CSMD3: variants seen among roughly 807,000 people sequenced by gnomAD.
CSMD3 encodes CUB and Sushi multiple domains 3.
CSMD3 carries 177 observed loss-of-function variants against 435.2 expected under a neutral mutation model. That is an observed-to-expected ratio of 0.41 (90% CI 0.36 to 0.46). CSMD3 has a LOEUF of 0.46. Among genes scored for constraint, CSMD3 ranks in the 20% least tolerant of loss-of-function variants. The pLI, the probability that CSMD3 is intolerant of heterozygous loss-of-function variation, is 0.34. For missense variants in CSMD3, 4,265 were observed against 4,504.6 expected (o/e 0.95, Z 1.52); for synonymous variants, 1,656 against 1,520.5 (o/e 1.09, Z -2.07).
intron 3 of CSMD3, among the ~76,000 whole-genome samples, chr8:113,236,666 T>C (rs74798527): frequency 1.9e-3 from 286 of 152,210 alleles, no homozygotes; most frequent in South Asian, 9.5e-3. Flanking sequence ...GAGAATTACA[T>C]CATTGGCTTC....
intron 6 of CSMD3, among the ~76,000 whole-genome samples, chr8:112,978,562 G>C (rs779443604): frequency 6.6e-6 from 1 of 151,908 alleles, no homozygotes; most frequent in East Asian, 1.9e-4. Context: ...TTTAGCATAA[G>C]AGCTATACTT....
At chr8:112,952,599 T>C (rs1218463257) in intron 8 of CSMD3, among the ~76,000 whole-genome samples, 3 of 151,494 alleles carry the variant, frequency 2.0e-5, no homozygotes, top group East Asian at 1.9e-4. Context: ...TTAAATACTT[T>C]AGAAACAAAT....
intron 53 of CSMD3, among the ~76,000 whole-genome samples, chr8:112,300,016 C>A (rs1270467359): frequency 6.7e-6 from 1 of 150,236 alleles, no homozygotes; most frequent in Non-Finnish European, 1.5e-5. Context: ...TTCATGAGAG[C>A]ACATGGCCAT....
intron 10 of CSMD3, among the ~76,000 whole-genome samples, chr8:112,903,171 A>AAAAAG (rs1564085630): frequency 1.3e-5 from 2 of 150,150 alleles, no homozygotes; most frequent in South Asian, 2.1e-4. Flanking sequence ...AAAAAAAAAA[A>AAAAAG]AAAAGAAAAG....
chr8:113,266,440 T>C (rs1358507684), intron 3 of CSMD3, among the ~76,000 whole-genome samples: 1 of 151,368 alleles, frequency 6.6e-6, no homozygotes. Context: ...CTCATATCCA[T>C]TTAAATCTAA....
intron 20 of CSMD3, among the ~76,000 whole-genome samples, chr8:112,639,149 T>C (rs2074747139): frequency 6.6e-6 from 1 of 152,098 alleles, no homozygotes; most frequent in South Asian, 2.1e-4. Context: ...AAAATACAAT[T>C]TAAAAATCAG....
chr8:112,406,192 A>G (rs1366920182), intron 35 of CSMD3, among the ~76,000 whole-genome samples: 1 of 152,114 alleles, frequency 6.6e-6, no homozygotes, highest in African/African-American at 2.4e-5. Flanking sequence ...AATAAAATAA[A>G]AGGATAGTAG....
At position 112,921,651 on chromosome 8, in the gene CSMD3, T is replaced by C. The variant is rs1017529877; in HGVS notation, c.1609A>G (p.Ser537Gly). The C allele has an allele frequency of 7.4e-6, 12 of 1,612,838 alleles. No homozygotes were observed. The highest frequency in any genetic ancestry group is 9.3e-6 in the Non-Finnish European group (11 of 1,179,124). The change falls in exon 10 of 71, where the codon AGT becomes GGT. Residue 537 changes from serine (S) to glycine (G), a missense_variant. This residue lies in a region of CSMD3 where 731 missense variants were observed against 755.4 expected (regional missense o/e 0.97). Transcript: ENST00000297405. The stretch of plus-strand genomic sequence containing the variant: ...CCTTTACACACAGGCCTGTGATCAC[T>C]CCAAGCAGCAAAAACTTCAGCTATC... ...QRIAEVFAAWSDHRPVCKVKT... is the reference protein window; with the variant it reads ...QRIAEVFAAWGDHRPVCKVKT...
chr8:113,228,995 T>A (rs1462120642), intron 3 of CSMD3, among the ~76,000 whole-genome samples: 1 of 151,686 alleles, frequency 6.6e-6, no homozygotes, highest in Non-Finnish European at 1.5e-5. Context: ...AAGTTCTTAA[T>A]CATACCTATT....
intron 32 of CSMD3, among the ~76,000 whole-genome samples, chr8:112,455,431 C>T (rs1320770166): frequency 6.6e-6 from 1 of 151,900 alleles, no homozygotes; most frequent in Non-Finnish European, 1.5e-5. Flanking sequence ...GGAAGAGAAG[C>T]CAGAGCTGAA....
chr8:113,037,293 A>G, intron 5 of CSMD3, among the ~76,000 whole-genome samples: 1 of 152,090 alleles, frequency 6.6e-6, no homozygotes, highest in East Asian at 1.9e-4. Flanking sequence ...GTAGTTGAAA[A>G]AGCTTGAAAT....
rs376125762 is a variant in CSMD3 at position 112,387,725 on chromosome 8, AT to A, written c.5934+2938del. The stretch of plus-strand genomic sequence containing the variant: ...TTCCTCAGTGAAAGATTTTAGTGTT[AT>A]TCATATGTGTCCAGTTTTGAATAGT... On this transcript the variant is annotated intron_variant, in intron 36 of 70. Transcript: ENST00000297405. Among the ~76,000 whole-genome samples the A allele has an allele frequency of 3.2e-4, 48 of 152,314 alleles. 1 individual carries two copies. The East Asian group carries it at 6.0e-3, about 19-fold the overall frequency.
At chr8:113,139,189 A>G (rs969802691) in intron 4 of CSMD3, among the ~76,000 whole-genome samples, 1 of 150,924 alleles carries the variant, frequency 6.6e-6, no homozygotes, top group Non-Finnish European at 1.5e-5. Flanking sequence ...ATGAATGGCT[A>G]AGGTCTCTAA....
At chr8:112,314,756 G>T in intron 47 of CSMD3, 139 bp from the exon 48 acceptor site, 1 of 693,092 alleles carries the variant, frequency 1.4e-6, no homozygotes, top group Non-Finnish European at 2.6e-6. Context: ...GAAGAGACAA[G>T]TTGTATTAAA....
At chr8:113,066,409 G>T (rs564034798) in intron 5 of CSMD3, among the ~76,000 whole-genome samples, 3 of 152,016 alleles carry the variant, frequency 2.0e-5, no homozygotes, top group East Asian at 1.9e-4. Context: ...AGAAAGAGAA[G>T]AAAACAAATG....
intron 1 of CSMD3, among the ~76,000 whole-genome samples, chr8:113,325,559 G>T (rs759435272): frequency 1.3e-5 from 2 of 152,060 alleles, no homozygotes; most frequent in Non-Finnish European, 2.9e-5. Context: ...GTTGAGTCTC[G>T]GGTATGTCTT....
At position 112,368,975 on chromosome 8, in the gene CSMD3, C is replaced by T. The variant is rs545330836; in HGVS notation, c.6136+11377G>A. Among the ~76,000 whole-genome samples, 13 of 152,136 alleles carry T rather than the reference C, an allele frequency of 8.5e-5. No homozygotes were observed. In the South Asian group the frequency reaches 2.5e-3, roughly 29 times the overall value. Reference sequence around the variant, plus strand: ...CTTTTTAAACATATAATGATAATAGCATAATGTTGTATAACCTTCTTTATT... The same window carrying T: ...CTTTTTAAACATATAATGATAATAGTATAATGTTGTATAACCTTCTTTATT... On this transcript the variant is annotated intron_variant, in intron 38 of 70. Coordinates refer to ENST00000297405, the MANE Select transcript of CSMD3 (RefSeq NM_198123.2).
At chr8:112,360,254 C>A (rs1320346502) in intron 38 of CSMD3, among the ~76,000 whole-genome samples, 1 of 151,876 alleles carries the variant, frequency 6.6e-6, no homozygotes, top group Non-Finnish European at 1.5e-5. Context: ...CCTTTCTAAT[C>A]AAATACTCTA....
At chr8:112,535,758 T>C (rs1826014371) in intron 27 of CSMD3, among the ~76,000 whole-genome samples, 1 of 152,094 alleles carries the variant, frequency 6.6e-6, no homozygotes, top group South Asian at 2.1e-4. Context: ...ATCATGCTAC[T>C]TGACTTCAAA....
Sources: gnomAD v4.1 joint callset for allele counts (sites outside exome capture counted in the v4.1 genomes callset) on GRCh38, gnomAD v4.1.1 for gene constraint, gnomAD v4.1.1 regional missense constraint, MANE v1.5 for transcripts, NCBI Gene and HGNC (gene_info 2026-07-23, HGNC 2026-07-21) for gene names.